Variants in SEC31A observed in about 807,000 individuals in gnomAD.
The protein encoded by SEC31A is protein transport protein Sec31A.
SEC31A carries 70 observed loss-of-function variants against 151.0 expected under a neutral mutation model. The ratio of observed to expected loss-of-function variants is 0.46; its 90% CI spans 0.38 to 0.57. SEC31A has a LOEUF of 0.57. Ranked by LOEUF, SEC31A falls within the 20% of genes least tolerant of loss-of-function variation. SEC31A has a pLI of 0.00. For synonymous variants in SEC31A, 475 were observed against 505.9 expected, an observed-to-expected ratio of 0.94 and a Z score of 0.82; for missense variants, 1,330 against 1,471.2, an observed-to-expected ratio of 0.90 and a Z score of 1.57.
chr4:82,859,095 A>G (rs1733476467), intron 14 of SEC31A, among the ~76,000 whole-genome samples: 1 of 152,152 alleles, frequency 6.6e-6, no homozygotes, highest in Admixed American at 6.5e-5. Context: ...TTGATTATAA[A>G]GTGTTTTTGT....
intron 24 of SEC31A, 24 bp from the exon 25 acceptor site, chr4:82,824,698 G>A: frequency 6.2e-7 from 1 of 1,607,940 alleles, no homozygotes; most frequent in South Asian, 1.1e-5. Flanking sequence ...ACCAAAAACT[G>A]ATCAGAAATG....
At chr4:82,820,183 G>A (rs548945215) in intron 26 of SEC31A, among the ~76,000 whole-genome samples, 1 of 131,448 alleles carries the variant, frequency 7.6e-6, no homozygotes, top group African/African-American at 2.9e-5. Flanking sequence ...TGCCCAGGCT[G>A]GTCTCAAACT....
Position 82,858,827 on chromosome 4 carries a change from C to T in SEC31A, c.1627-1063G>A, listed in dbSNP as rs1253315350. On this transcript the variant is annotated intron_variant, in intron 14 of 26. Coordinates refer to ENST00000395310, the MANE Select transcript of SEC31A (RefSeq NM_001077207.4). The stretch of plus-strand genomic sequence containing the variant: ...ACGCCATTTTCCTGCCTCAGCCTCC[C>T]GAGTAGCTGGGACTACAGGTGCCCA... Among the ~76,000 whole-genome samples, 4 of 151,556 alleles carry T rather than the reference C, an allele frequency of 2.6e-5. No individual in the cohort carries two copies. The East Asian group carries it at 5.9e-4, about 22-fold the overall frequency.
At chr4:82,870,257 A>G in intron 8 of SEC31A, 68 bp downstream of exon 8, 2 of 1,239,838 alleles carry the variant, frequency 1.6e-6, no homozygotes, top group South Asian at 1.3e-5. Context: ...CACACAGAAA[A>G]TTTCTTATGT....
chr4:82,838,149 A>G (rs1437844829), intron 22 of SEC31A, among the ~76,000 whole-genome samples: 1 of 152,214 alleles, frequency 6.6e-6, no homozygotes, highest in African/African-American at 2.4e-5. Context: ...CCTTTACTTG[A>G]ATAGTTAAAA....
rs769532270 is a variant in SEC31A, at chr4:82,857,741, T to C, written c.1650A>G (p.Glu550=). Reference sequence around the variant, plus strand: ...CTCCAGATGAGGGTAGAAATTCAGATTCTTCTTTTTCCTCTTTAATGTGCT... The same window carrying C: ...CTCCAGATGAGGGTAGAAATTCAGACTCTTCTTTTTCCTCTTTAATGTGCT... ...LGEHIKEEKE[E]SEFLPSSGGT... The change falls in exon 15 of 27, where the codon GAA becomes GAG. Residue 550 remains glutamate (E), a synonymous_variant. Transcript: ENST00000395310. The C allele has an allele frequency of 1.2e-6, 2 of 1,600,900 alleles. No individual in the cohort carries two copies. Among genetic ancestry groups the C allele is most frequent in the South Asian group, 2.2e-5 (2 of 90,780 alleles).
At chr4:82,826,554 T>C (rs796428677) in intron 24 of SEC31A, among the ~76,000 whole-genome samples, 13 of 152,346 alleles carry the variant, frequency 8.5e-5, no homozygotes, top group African/African-American at 3.1e-4. Flanking sequence ...GGTTTCACCA[T>C]GCTGGCCAGG....
In SEC31A at chr4:82,827,354, C is replaced by G. The variant is rs760474672; in HGVS notation, c.3291+15G>C. On this transcript the variant is annotated intron_variant, in intron 24 of 26. Coordinates refer to ENST00000395310, the MANE Select transcript of SEC31A (RefSeq NM_001077207.4). ...CAGCCATCTTCCCATTCCACTTCTACAAATTTACTGTTACCTGGAAGGTAT... is the reference window on the plus strand; with the variant it reads ...CAGCCATCTTCCCATTCCACTTCTAGAAATTTACTGTTACCTGGAAGGTAT... 6.2e-7 allele frequency: 1 copy of G among 1,608,728 alleles called. No homozygotes were observed. Among genetic ancestry groups the G allele is most frequent in the African/African-American group, 1.3e-5 (1 of 74,764 alleles).
At chr4:82,827,799 A>G (rs1040945255) in intron 23 of SEC31A, among the ~76,000 whole-genome samples, 167 bp from the exon 24 acceptor site, 1 of 150,156 alleles carries the variant, frequency 6.7e-6, no homozygotes, top group Non-Finnish European at 1.5e-5. Context: ...AAGTAAACAA[A>G]GTAAAACATA....
intron 8 of SEC31A, among the ~76,000 whole-genome samples, chr4:82,868,435 A>G (rs1287432195): frequency 6.6e-6 from 1 of 152,104 alleles, no homozygotes; most frequent in Non-Finnish European, 1.5e-5. Context: ...CAAGAGGTCA[A>G]GGTTTCAGTG....
intron 10 of SEC31A, among the ~76,000 whole-genome samples, chr4:82,865,613 G>T (rs993849688): frequency 7.1e-6 from 1 of 140,190 alleles, no homozygotes; most frequent in African/African-American, 2.6e-5. Context: ...CCTCTAAAAA[G>T]AAGTAAATTC....
intron 22 of SEC31A, among the ~76,000 whole-genome samples, chr4:82,841,245 G>A (rs1223209730): frequency 6.6e-6 from 1 of 150,558 alleles, no homozygotes; most frequent in Non-Finnish European, 1.5e-5. Context: ...CCAACATGGT[G>A]AAAGCCGTCT....
chr4:82,856,106 G>A (rs141085028), intron 16 of SEC31A, among the ~76,000 whole-genome samples: 1 of 151,966 alleles, frequency 6.6e-6, no homozygotes, highest in Admixed American at 6.6e-5. Flanking sequence ...ACAAAATAAG[G>A]GAAACATTAC....
intron 7 of SEC31A, chr4:82,871,611 A>G: frequency 1.8e-6 from 1 of 559,660 alleles, no homozygotes; most frequent in Non-Finnish European, 3.1e-6. Context: ...CCCCATCTCT[A>G]CTAAAACTAT....
chr4:82,884,645 T>C (rs1474095766), intron 1 of SEC31A, among the ~76,000 whole-genome samples: 2 of 152,354 alleles, frequency 1.3e-5, no homozygotes, highest in South Asian at 2.1e-4. Context: ...TATAACAACA[T>C]GTATCTGTCA....
At chr4:82,836,656 A>G (rs1727382895) in intron 22 of SEC31A, among the ~76,000 whole-genome samples, 1 of 152,194 alleles carries the variant, frequency 6.6e-6, no homozygotes, top group African/African-American at 2.4e-5. Flanking sequence ...TAAGGTACCT[A>G]GAATAGTCAA....
Position 82,891,092 on chromosome 4 carries a change from C to G in SEC31A, c.-9G>C, listed in dbSNP as rs1174636791. On this transcript the variant is annotated 5_prime_UTR_variant, in exon 1 of 27. Coordinates refer to ENST00000395310, the MANE Select transcript of SEC31A (RefSeq NM_001077207.4). ...AAAAGCAACGGGCGGACGCACCTGG[C>G]GAGGACCTTCGGCAGCCGGATCCTG... is the stretch of plus-strand genomic sequence containing the variant. 3.9e-6 allele frequency: 6 copies of G among 1,535,950 alleles called. No individual in the cohort carries two copies. Among genetic ancestry groups the G allele is most frequent in the Admixed American group, 2.0e-5 (1 of 50,994 alleles).
intron 19 of SEC31A, among the ~76,000 whole-genome samples, chr4:82,850,445 T>C (rs892585056): frequency 6.6e-5 from 10 of 152,298 alleles, no homozygotes; most frequent in Middle Eastern, 6.8e-3. Context: ...CCTACCTCCA[T>C]AGTCCTGGAG....
chr4:82,853,191 A>G (rs1731823284), intron 18 of SEC31A, among the ~76,000 whole-genome samples: 3 of 152,142 alleles, frequency 2.0e-5, no homozygotes, highest in South Asian at 2.1e-4. Flanking sequence ...AAGATTCTCT[A>G]CTGGCATTGG....
Sources: gnomAD v4.1 joint callset for allele counts (sites outside exome capture counted in the v4.1 genomes callset) on GRCh38, gnomAD v4.1.1 for gene constraint, MANE v1.5 for transcripts, NCBI Gene and HGNC (gene_info 2026-07-23, HGNC 2026-07-21) for gene names.